The following XKR6 variants were observed in gnomAD, a reference collection of about 807,000 sequenced individuals.
XKR6 encodes XK-related protein 6.
In XKR6, 22 loss-of-function variants were observed where a neutral mutation model predicts 56.7. The ratio of observed to expected loss-of-function variants is 0.39; its 90% CI spans 0.28 to 0.55. XKR6 has a LOEUF of 0.55. XKR6 is among the 20% of genes least tolerant of loss of function. The probability of loss-of-function intolerance (pLI) is 0.66; values close to 1 mark genes in which losing one functional copy is unlikely to be tolerated. For synonymous variants in XKR6, 524 were observed against 387.8 expected (o/e 1.35, Z -4.13); for missense variants, 852 against 889.0 (o/e 0.96, Z 0.53).
intron 1 of XKR6, among the ~76,000 whole-genome samples, chr8:11,091,754 T>C (rs983044468): frequency 6.6e-6 from 1 of 152,172 alleles, no homozygotes; most frequent in Non-Finnish European, 1.5e-5. Context: ...GTTACCTGCA[T>C]GTGAAACTGA....
At chr8:11,162,877 CAAGGT>C (rs1296350656) in intron 1 of XKR6, among the ~76,000 whole-genome samples, 1 of 152,196 alleles carries the variant, frequency 6.6e-6, no homozygotes, top group Non-Finnish European at 1.5e-5. Context: ...AGCATAGCTA[CAAGGT>C]AAGAGTGTTT....
intron 1 of XKR6, among the ~76,000 whole-genome samples, chr8:11,074,625 A>G (rs958444896): frequency 1.3e-5 from 2 of 152,142 alleles, no homozygotes; most frequent in African/African-American, 4.8e-5. Context: ...CTTGGTATGT[A>G]CCAGAGCAAA....
intron 1 of XKR6, among the ~76,000 whole-genome samples, chr8:11,076,675 G>A (rs962497533): frequency 1.3e-5 from 2 of 152,206 alleles, no homozygotes; most frequent in African/African-American, 2.4e-5. Flanking sequence ...GAAAGCCACA[G>A]AGGACAGTAA....
intron 1 of XKR6, among the ~76,000 whole-genome samples, chr8:11,170,995 T>C (rs1323984912): frequency 6.6e-6 from 1 of 152,232 alleles, no homozygotes. Context: ...AGAATTTAGA[T>C]TAGCAATCTT....
At chr8:11,074,768 C>G (rs1251231459) in intron 1 of XKR6, among the ~76,000 whole-genome samples, 1 of 152,212 alleles carries the variant, frequency 6.6e-6, no homozygotes, top group African/African-American at 2.4e-5. Flanking sequence ...AAAGTAGAGG[C>G]TGCACACCAG....
At chr8:10,925,566 G>T (rs572017088) in intron 1 of XKR6, among the ~76,000 whole-genome samples, 161 of 152,324 alleles carry the variant, frequency 1.1e-3, no homozygotes, top group Non-Finnish European at 1.7e-3. Flanking sequence ...CCACTCCCGG[G>T]CTCTGTGTGG....
intron 1 of XKR6, among the ~76,000 whole-genome samples, chr8:11,087,029 G>C (rs1384462264): frequency 6.6e-6 from 1 of 152,110 alleles, no homozygotes; most frequent in African/African-American, 2.4e-5. Context: ...TGACGTGTGG[G>C]CAAGTAGAAT....
chr8:11,155,128 T>A (rs1282733027), intron 1 of XKR6, among the ~76,000 whole-genome samples: 1 of 152,238 alleles, frequency 6.6e-6, no homozygotes, highest in Non-Finnish European at 1.5e-5. Context: ...TGATACTGCA[T>A]ACTCCCACAA....
chr8:11,187,744 A>G (rs762634586), intron 1 of XKR6, among the ~76,000 whole-genome samples: 2 of 152,154 alleles, frequency 1.3e-5, no homozygotes, highest in South Asian at 2.1e-4. Context: ...CCATCACTCA[A>G]TGATGGTGTG....
intron 1 of XKR6, among the ~76,000 whole-genome samples, chr8:11,140,003 A>G (rs557856572): frequency 6.6e-6 from 1 of 152,322 alleles, no homozygotes; most frequent in South Asian, 2.1e-4. Flanking sequence ...AAGCGGGCAA[A>G]TCTCTAGGAA....
chr8:10,956,002 A>C (rs903867279), intron 1 of XKR6, among the ~76,000 whole-genome samples: 9 of 152,140 alleles, frequency 5.9e-5, no homozygotes, highest in African/African-American at 2.2e-4. Flanking sequence ...AAAGATGGAG[A>C]AGAATGGGCA....
intron 1 of XKR6, among the ~76,000 whole-genome samples, chr8:11,097,307 C>T (rs757190452): frequency 3.3e-5 from 5 of 152,138 alleles, no homozygotes; most frequent in Non-Finnish European, 7.4e-5. Flanking sequence ...CTTCTACATT[C>T]AGGATGCAAT....
chr8:11,068,930 T>C (rs1447243884), intron 1 of XKR6, among the ~76,000 whole-genome samples: 2 of 152,178 alleles, frequency 1.3e-5, no homozygotes, highest in Non-Finnish European at 2.9e-5. Flanking sequence ...ACCTACATTC[T>C]CCCATCTGCC....
intron 1 of XKR6, among the ~76,000 whole-genome samples, chr8:11,075,560 T>A (rs545209040): frequency 6.6e-6 from 1 of 151,894 alleles, no homozygotes; most frequent in South Asian, 2.1e-4. Flanking sequence ...GTGGATGGAG[T>A]AGATACTACT....
At chr8:10,965,488 C>G (rs1429605088) in intron 1 of XKR6, among the ~76,000 whole-genome samples, 2 of 152,232 alleles carry the variant, frequency 1.3e-5, no homozygotes, top group Non-Finnish European at 2.9e-5. Context: ...CATTTTGCTG[C>G]ATAAATGCAG....
At chr8:10,996,950 T>TAG (rs1243951707) in intron 1 of XKR6, among the ~76,000 whole-genome samples, 1 of 152,070 alleles carries the variant, frequency 6.6e-6, no homozygotes, top group East Asian at 1.9e-4. Context: ...GCCTGGGCAA[T>TAG]AGAGAGAGAC....
intron 1 of XKR6, among the ~76,000 whole-genome samples, chr8:11,161,277 C>T (rs1478865997): frequency 2.0e-5 from 3 of 152,160 alleles, no homozygotes; most frequent in Admixed American, 6.5e-5. Flanking sequence ...TATCTTGCCA[C>T]CACCAGTACC....
intron 1 of XKR6, among the ~76,000 whole-genome samples, chr8:11,044,034 C>T (rs577426397): frequency 1.3e-5 from 2 of 152,330 alleles, no homozygotes; most frequent in East Asian, 3.9e-4. Flanking sequence ...CCACTTGCAG[C>T]TCCACCAGAC....
chr8:10,920,642 T>A (rs1201796119), intron 2 of XKR6, among the ~76,000 whole-genome samples: 6 of 152,268 alleles, frequency 3.9e-5, no homozygotes, highest in Non-Finnish European at 7.3e-5. Context: ...GAATGGCATC[T>A]ACTGGCATAA....
Sources: allele counts gnomAD v4.1 joint callset (sites outside exome capture counted in the v4.1 genomes callset), GRCh38; gene constraint gnomAD v4.1.1; transcripts MANE v1.5; gene names NCBI Gene and HGNC (gene_info 2026-07-23, HGNC 2026-07-21).